Variants in CARNMT1 observed in about 807,000 individuals in gnomAD.
The protein encoded by CARNMT1 is protein-L-histidine N-pros-methyltransferase CARNMT1.
CARNMT1 carries 28 observed loss-of-function variants against 49.6 expected under a neutral mutation model. That is an observed-to-expected ratio of 0.56 (90% confidence interval 0.42 to 0.77). CARNMT1 has a LOEUF of 0.77. Ranked by LOEUF, CARNMT1 falls within the 30% of genes least tolerant of loss-of-function variation. The pLI, the probability that CARNMT1 is intolerant of heterozygous loss-of-function variation, is 0.00. For missense variants in CARNMT1, 421 were observed against 512.6 expected, an observed-to-expected ratio of 0.82 and a Z score of 1.73; for synonymous variants, 178 against 175.0, an observed-to-expected ratio of 1.02 and a Z score of -0.13.
chr9:74,981,581 G>C lies in CARNMT1; in HGVS notation c.*2186C>G, dbSNP rs1180033278. ...AGAACATTTAAAAAACAATATTCAT[G>C]ATATGAGGGATAAATTAACAAATGA... On this transcript the variant is annotated 3_prime_UTR_variant, in exon 8 of 8. Transcript: ENST00000376834. 2 of 152,018 alleles carry C rather than the reference G, an allele frequency of 1.3e-5. No homozygotes were observed. The highest frequency in any genetic ancestry group is 2.9e-5 in the Non-Finnish European group (2 of 67,966). 9.4% of individuals were successfully genotyped at this position (152,018 alleles called of 1,614,324 possible). A position where few individuals can be genotyped will look rare whatever the true frequency, so the allele number is the denominator to read the frequency against.
At chr9:75,005,285 TAACA>T (rs1459040998) in intron 3 of CARNMT1, among the ~76,000 whole-genome samples, 1 of 139,634 alleles carries the variant, frequency 7.2e-6, no homozygotes, top group African/African-American at 2.7e-5. Context: ...TTTCCTTAAT[TAACA>T]AACAGACTCT....
chr9:74,991,012 G>A (rs1413574104), intron 6 of CARNMT1, among the ~76,000 whole-genome samples: 3 of 152,156 alleles, frequency 2.0e-5, no homozygotes, highest in African/African-American at 4.8e-5. Flanking sequence ...AAAGATTTAA[G>A]AGACAGAAAA....
At chr9:75,007,736 T>A (rs9410747) in intron 3 of CARNMT1, among the ~76,000 whole-genome samples, 10,395 of 51,658 alleles carry the variant, frequency 0.2, 1,261 homozygotes, top group Non-Finnish European at 0.23. Flanking sequence ...CTCAAAAAAA[T>A]AAAAATAATA....
At chr9:75,021,417 T>C (rs1475725615) in intron 1 of CARNMT1, among the ~76,000 whole-genome samples, 2 of 146,688 alleles carry the variant, frequency 1.4e-5, no homozygotes, top group Non-Finnish European at 3.0e-5. Flanking sequence ...ATACATACTA[T>C]ATATAGTATA....
intron 5 of CARNMT1, 66 bp downstream of exon 5, chr9:74,998,532 G>A (rs777273119): frequency 1.3e-4 from 173 of 1,306,324 alleles, no homozygotes; most frequent in Non-Finnish European, 6.9e-5. Context: ...CTTGGCTTAG[G>A]ATAAAACTAG....
rs901360062 is a variant in CARNMT1, at chr9:75,008,488, C to T, written c.590+7780G>A. ...CTGGAATCACAGGTGCACTCCACCA[C>T]GCCCAGCTACATTTTGTATTTGTTG... On this transcript the variant is annotated intron_variant, in intron 3 of 7. Coordinates refer to ENST00000376834, the MANE Select transcript of CARNMT1 (RefSeq NM_152420.3). 4.6e-5 allele frequency among the ~76,000 whole-genome samples: 7 copies of T among 152,162 alleles called. No individual in the cohort carries two copies. In the East Asian group the frequency reaches 5.8e-4, roughly 13 times the overall value.
chr9:74,990,597 A>C (rs1832981598), intron 6 of CARNMT1, among the ~76,000 whole-genome samples: 1 of 152,174 alleles, frequency 6.6e-6, no homozygotes, highest in African/African-American at 2.4e-5. Flanking sequence ...CCTGTTTGCC[A>C]AAAAGGCCTA....
chr9:74,993,258 C>G (rs1332849766), intron 6 of CARNMT1, among the ~76,000 whole-genome samples: 1 of 152,120 alleles, frequency 6.6e-6, no homozygotes, highest in Non-Finnish European at 1.5e-5. Context: ...CTTAACCCAA[C>G]CCGAAAGGAT....
At chr9:75,016,704 G>A (rs1833867275) in intron 2 of CARNMT1, 2 of 355,980 alleles carry the variant, frequency 5.6e-6, no homozygotes. Flanking sequence ...GAGCTGCTAT[G>A]GAGACCGAAC....
intron 6 of CARNMT1, among the ~76,000 whole-genome samples, chr9:74,986,879 A>T (rs1032129161): frequency 2.0e-5 from 3 of 152,244 alleles, no homozygotes; most frequent in African/African-American, 4.8e-5. Flanking sequence ...ATTACAAGTT[A>T]TGTAAGTCAA....
intron 6 of CARNMT1, among the ~76,000 whole-genome samples, chr9:74,986,928 CCTAA>C (rs1301259839): frequency 3.3e-5 from 5 of 152,192 alleles, no homozygotes; most frequent in Admixed American, 2.0e-4. Flanking sequence ...CACCACAATG[CCTAA>C]CTTAGTGCTG....
chr9:74,988,310 G>A, intron 6 of CARNMT1, among the ~76,000 whole-genome samples: 1 of 152,016 alleles, frequency 6.6e-6, no homozygotes, highest in Admixed American at 6.6e-5. Context: ...GAGATAACAT[G>A]AAAAAGCATT....
intron 3 of CARNMT1, among the ~76,000 whole-genome samples, chr9:75,005,699 T>C (rs773542529): frequency 6.6e-6 from 1 of 151,960 alleles, no homozygotes; most frequent in Non-Finnish European, 1.5e-5. Context: ...GATCTCGATC[T>C]CCTGATCTCG....
At chr9:74,991,986 T>A (rs932005206) in intron 6 of CARNMT1, among the ~76,000 whole-genome samples, 1 of 151,948 alleles carries the variant, frequency 6.6e-6, no homozygotes, top group Non-Finnish European at 1.5e-5. Flanking sequence ...TTTAAAAAAT[T>A]CTAGGCCAGG....
chr9:74,983,672 G>T lies in CARNMT1; in HGVS notation c.*95C>A. The T allele has an allele frequency of 1.5e-6, 1 of 658,462 alleles. No homozygotes were observed. Among genetic ancestry groups the T allele is most frequent in the South Asian group, 2.3e-5 (1 of 43,688 alleles). 40.8% of individuals were successfully genotyped at this position (658,462 alleles called of 1,614,324 possible). A position where few individuals can be genotyped will look rare whatever the true frequency, so the allele number is the denominator to read the frequency against. On this transcript the variant is annotated 3_prime_UTR_variant, in exon 8 of 8. Transcript: ENST00000376834. ...AATAAGAAGGCACCACTGATTTGAG[G>T]TTGTGTCCTGTCATCACTGATAGTT...
At chr9:75,012,843 G>A (rs940760355) in intron 3 of CARNMT1, among the ~76,000 whole-genome samples, 2 of 151,578 alleles carry the variant, frequency 1.3e-5, no homozygotes, top group South Asian at 2.1e-4. Context: ...GCGTGAACCC[G>A]GGAGGCGGAG....
intron 3 of CARNMT1, among the ~76,000 whole-genome samples, chr9:75,011,371 CATTATT>C (rs373516512): frequency 6.6e-6 from 1 of 151,916 alleles, no homozygotes; most frequent in Non-Finnish European, 1.5e-5. Flanking sequence ...CTGTGATTGT[CATTATT>C]ATTATTATTA....
At position 75,028,129 on chromosome 9, in the gene CARNMT1, C is replaced by T. The variant is rs557367513; in HGVS notation, c.113G>A (p.Gly38Asp). The T allele has an allele frequency of 6.4e-7, 1 of 1,552,414 alleles. No individual in the cohort carries two copies. Among genetic ancestry groups the T allele is most frequent in the African/African-American group, 1.4e-5 (1 of 70,490 alleles). The change falls in exon 1 of 8, where the codon GGC (glycine) becomes GAC (aspartate). Residue 38 changes from glycine (G) to aspartate (D), a missense_variant. Gly to Asp is a moderately conservative substitution (Grantham distance 94). Around this residue, in one of 2 missense-constraint regions of CARNMT1, gnomAD observed 186 missense variants for 167.9 expected, o/e 1.11. Coordinates refer to ENST00000376834, the MANE Select transcript of CARNMT1 (RefSeq NM_152420.3). The part of the protein sequence containing the change: ...VEVQFSAGRW[G>D]SAAAVSAAAA... ...TGCCGCCGAAACCGCCGCGGCCGAG[C>T]CCCAACGCCCGGCGGAAAACTGCAC...
At chr9:75,016,533 A>AC in intron 2 of CARNMT1, 102 bp from the exon 3 acceptor site, 5 of 1,044,034 alleles carry the variant, frequency 4.8e-6, no homozygotes, top group Non-Finnish European at 7.0e-6. Context: ...GGTTTAGTGG[A>AC]TAAATCACTA....
Sources: allele counts gnomAD v4.1 joint callset (sites outside exome capture counted in the v4.1 genomes callset), GRCh38; gene constraint gnomAD v4.1.1; regional missense constraint gnomAD v4.1.1; transcripts MANE v1.5; gene names NCBI Gene and HGNC (gene_info 2026-07-23, HGNC 2026-07-21).